The following CTNNA2 variants were observed in gnomAD, a reference collection of about 807,000 sequenced individuals.
CTNNA2 encodes the protein catenin alpha-2.
Under a neutral mutation model 101.0 loss-of-function variants are expected in CTNNA2, and 42 were observed. The ratio of observed to expected loss-of-function variants is 0.42; its 90% CI spans 0.32 to 0.54. CTNNA2 has a LOEUF of 0.54. Among genes scored for constraint, CTNNA2 ranks in the 20% least tolerant of loss-of-function variants. The pLI, the probability that CTNNA2 is intolerant of heterozygous loss-of-function variation, is 0.14. For synonymous variants in CTNNA2, 450 were observed against 456.4 expected (o/e 0.99, Z 0.18); for missense variants, 871 against 1,223.1 (o/e 0.71, Z 4.29).
chr2:79,561,439 A>G (rs188370524), intron 1 of CTNNA2, among the ~76,000 whole-genome samples: 2 of 151,906 alleles, frequency 1.3e-5, no homozygotes, highest in African/African-American at 4.8e-5. Flanking sequence ...CTTGGTATGT[A>G]TAGTCCACCA....
intron 7 of CTNNA2, among the ~76,000 whole-genome samples, chr2:79,993,720 G>A (rs17339786): frequency 0.32 from 47,986 of 151,778 alleles, 7,725 homozygotes; most frequent in Non-Finnish European, 0.37. Context: ...GAGGGTCTGA[G>A]AGTAGAAATG....
At chr2:79,993,364 C>G (rs1010766276) in intron 7 of CTNNA2, among the ~76,000 whole-genome samples, 2 of 152,084 alleles carry the variant, frequency 1.3e-5, no homozygotes, top group African/African-American at 4.8e-5. Context: ...TTTGGGCTCC[C>G]ACGTGGGCTT....
intron 2 of CTNNA2, among the ~76,000 whole-genome samples, chr2:79,691,424 T>G (rs1049575645): frequency 1.3e-5 from 2 of 151,874 alleles, no homozygotes; most frequent in African/African-American, 4.8e-5. Flanking sequence ...AAGATATATA[T>G]TAGTAATGGC....
chr2:79,393,315 C>G lies in CTNNA2; in HGVS notation c.-135+19302C>G, dbSNP rs997596629. On this transcript the variant is annotated intron_variant, in intron 4 of 21. Coordinates refer to the CTNNA2 transcript ENST00000466387. ...GTTAGTAGGAAAACAGCTTGGTAAGCAAAACCAGCGTCAAGTGCAAAGTTC... is the reference window on the plus strand; with the variant it reads ...GTTAGTAGGAAAACAGCTTGGTAAGGAAAACCAGCGTCAAGTGCAAAGTTC... 3.9e-5 allele frequency among the ~76,000 whole-genome samples: 6 copies of G among 152,272 alleles called. No individual in the cohort carries two copies. The East Asian group carries it at 1.2e-3, about 29-fold the overall frequency.
At chr2:79,192,799 A>T (rs964224356) in intron 1 of CTNNA2, among the ~76,000 whole-genome samples, 6 of 152,076 alleles carry the variant, frequency 3.9e-5, no homozygotes, top group African/African-American at 1.4e-4. Context: ...AGAATTGTAG[A>T]TTTTCTATTA....
chr2:80,551,475 C>A (rs1692551982), intron 11 of CTNNA2, among the ~76,000 whole-genome samples: 2 of 152,220 alleles, frequency 1.3e-5, no homozygotes, highest in Admixed American at 6.5e-5. Context: ...TGTTTGCCCC[C>A]TTAATCAATG....
intron 7 of CTNNA2, among the ~76,000 whole-genome samples, chr2:80,183,544 A>G (rs1705923965): frequency 6.6e-6 from 1 of 152,134 alleles, no homozygotes; most frequent in South Asian, 2.1e-4. Flanking sequence ...CTGTGTTTTG[A>G]GGGAGGGTAA....
intron 2 of CTNNA2, among the ~76,000 whole-genome samples, chr2:79,282,706 C>T (rs1180929680): frequency 4.2e-5 from 6 of 143,164 alleles, no homozygotes; most frequent in African/African-American, 7.5e-5. Context: ...CGAATAGTGC[C>T]GCAATAAACA....
At chr2:79,348,256 T>C (rs899375553) in intron 3 of CTNNA2, among the ~76,000 whole-genome samples, 2 of 152,226 alleles carry the variant, frequency 1.3e-5, no homozygotes, top group African/African-American at 4.8e-5. Flanking sequence ...ATAATAATCC[T>C]ATATAGTAGG....
At chr2:80,148,624 G>A (rs763800229) in intron 7 of CTNNA2, among the ~76,000 whole-genome samples, 1 of 152,236 alleles carries the variant, frequency 6.6e-6, no homozygotes, top group African/African-American at 2.4e-5. Flanking sequence ...GATTCTGGAC[G>A]AGCATAGTTT....
At chr2:79,790,277 T>A (rs1299871870) in intron 3 of CTNNA2, among the ~76,000 whole-genome samples, 1 of 152,112 alleles carries the variant, frequency 6.6e-6, no homozygotes, top group Non-Finnish European at 1.5e-5. Context: ...CCAAGCCAAA[T>A]GGTGTCAGAG....
chr2:79,782,515 G>A (rs551767192), intron 3 of CTNNA2, among the ~76,000 whole-genome samples: 1 of 152,288 alleles, frequency 6.6e-6, no homozygotes, highest in African/African-American at 2.4e-5. Flanking sequence ...GGAATTACAG[G>A]CGTGAGCCAC....
chr2:79,219,271 G>C (rs1407764563), intron 2 of CTNNA2, among the ~76,000 whole-genome samples: 1 of 152,070 alleles, frequency 6.6e-6, no homozygotes, highest in African/African-American at 2.4e-5. Context: ...ATAAATTATA[G>C]AAAGAATCAG....
chr2:79,188,223 A>G (rs146285150), intron 1 of CTNNA2, among the ~76,000 whole-genome samples: 73 of 152,302 alleles, frequency 4.8e-4, no homozygotes, highest in Non-Finnish European at 9.6e-4. Flanking sequence ...ATTCTAGACT[A>G]GATAAAATAG....
At chr2:80,565,388 A>AG (rs138091101) in intron 12 of CTNNA2, among the ~76,000 whole-genome samples, 3,925 of 152,264 alleles carry the variant, frequency 0.026, 85 homozygotes, top group Middle Eastern at 0.041. Flanking sequence ...CACTGTCACC[A>AG]GGATGATACG....
intron 12 of CTNNA2, among the ~76,000 whole-genome samples, chr2:80,559,151 G>A (rs1462507178): frequency 6.6e-6 from 1 of 152,106 alleles, no homozygotes; most frequent in African/African-American, 2.4e-5. Context: ...GAGCATTACT[G>A]CCCTAAAGTA....
intron 3 of CTNNA2, among the ~76,000 whole-genome samples, chr2:79,790,235 T>C (rs1675165844): frequency 6.6e-6 from 1 of 152,080 alleles, no homozygotes; most frequent in Non-Finnish European, 1.5e-5. Flanking sequence ...GAATTTCCGC[T>C]AGGAACTGTT....
intron 7 of CTNNA2, among the ~76,000 whole-genome samples, chr2:80,122,468 C>A (rs1335156360): frequency 1.3e-5 from 2 of 151,998 alleles, no homozygotes; most frequent in Non-Finnish European, 2.9e-5. Context: ...TAACTGATAT[C>A]ATCAGACTGA....
At chr2:80,096,132 T>C (rs942401831) in intron 7 of CTNNA2, among the ~76,000 whole-genome samples, 3 of 152,090 alleles carry the variant, frequency 2.0e-5, no homozygotes, top group African/African-American at 7.2e-5. Context: ...CTTTCTCTTG[T>C]GGGCATTTAG....
Sources: allele counts gnomAD v4.1 joint callset (sites outside exome capture counted in the v4.1 genomes callset), GRCh38; gene constraint gnomAD v4.1.1; transcripts MANE v1.5; gene names NCBI Gene and HGNC (gene_info 2026-07-23, HGNC 2026-07-21).